The following TNR variants were observed in gnomAD, a reference collection of about 807,000 sequenced individuals.
TNR encodes the protein tenascin-R.
Under a neutral mutation model 150.4 loss-of-function variants are expected in TNR, and 45 were observed. The ratio of observed to expected loss-of-function variants is 0.30; its 90% CI spans 0.24 to 0.38. The LOEUF is 0.38. Among genes scored for constraint, TNR ranks in the 10% least tolerant of loss-of-function variants. The pLI, the probability that TNR is intolerant of heterozygous loss-of-function variation, is 1.00. For missense variants in TNR, 1,544 were observed against 1,759.1 expected (o/e 0.88, Z 2.19); for synonymous variants, 687 against 678.4 (o/e 1.01, Z -0.20).
intron 18 of TNR, among the ~76,000 whole-genome samples, chr1:175,349,148 G>A (rs1650937660): frequency 1.3e-5 from 2 of 152,214 alleles, no homozygotes; most frequent in African/African-American, 4.8e-5. Context: ...CTGTTGGAGG[G>A]AGTGTAGACT....
intron 18 of TNR, among the ~76,000 whole-genome samples, chr1:175,346,713 G>T (rs1350752766): frequency 6.6e-6 from 1 of 151,912 alleles, no homozygotes; most frequent in African/African-American, 2.4e-5. Context: ...GGTCAAAACT[G>T]GTACAAGAAG....
chr1:175,545,812 G>T (rs6683510), intron 1 of TNR, among the ~76,000 whole-genome samples: 1 of 152,168 alleles, frequency 6.6e-6, no homozygotes, highest in Non-Finnish European at 1.5e-5. Context: ...CAGAGAGCGG[G>T]TCCTTCACTA....
At chr1:175,583,386 A>G (rs901675280) in intron 1 of TNR, among the ~76,000 whole-genome samples, 4 of 152,226 alleles carry the variant, frequency 2.6e-5, no homozygotes, top group African/African-American at 9.6e-5. Context: ...ACCCAGGACA[A>G]TGACAAGCAT....
chr1:175,377,814 C>T (rs1026781323), intron 9 of TNR, among the ~76,000 whole-genome samples: 2 of 152,164 alleles, frequency 1.3e-5, no homozygotes, highest in African/African-American at 4.8e-5. Context: ...ACAAATTAAA[C>T]AAAATCTCTG....
Position 175,331,047 on chromosome 1 carries a change from T to TTCTTTCTTTCTTTCTTTCCTTC in TNR, c.3632-813_3632-812insGAAGGAAAGAAAGAAAGAAAGA, listed in dbSNP as rs1553203288. ...TTTCTTTCTTTCTTTCTTTCTTTCT[T>TTCTTTCTTTCTTTCTTTCCTTC]TCTTTCTTTCTTTCTTTCTTTCTTT... On this transcript the variant is annotated intron_variant, in intron 20 of 22. Coordinates refer to ENST00000367674, the MANE Select transcript of TNR (RefSeq NM_003285.3). Among the ~76,000 whole-genome samples the TTCTTTCTTTCTTTCTTTCCTTC allele has an allele frequency of 3.4e-3, 308 of 91,038 alleles. 12 individuals carry two copies. The highest frequency in any genetic ancestry group is 0.015 in the Admixed American group (116 of 7,834). 59.7% of individuals were successfully genotyped at this position (91,038 alleles called of 152,430 possible).
At chr1:175,583,171 A>G (rs1662425361) in intron 1 of TNR, among the ~76,000 whole-genome samples, 1 of 152,154 alleles carries the variant, frequency 6.6e-6, no homozygotes, top group Non-Finnish European at 1.5e-5. Flanking sequence ...AACCCCCTAG[A>G]CTGCCTCCCT....
At chr1:175,424,329 G>A (rs1212288516) in intron 2 of TNR, among the ~76,000 whole-genome samples, 1 of 152,232 alleles carries the variant, frequency 6.6e-6, no homozygotes, top group Non-Finnish European at 1.5e-5. Flanking sequence ...GGCCTGGCCA[G>A]GCAGTGGTGG....
chr1:175,359,712 A>T lies in TNR; in HGVS notation c.2874T>A (p.Asp958Glu). Reference protein sequence around the residue: ...LVHTAMDNPVDLIATNITPTE... With the variant: ...LVHTAMDNPVELIATNITPTE... ...TTGGAGTGATATTGGTAGCAATCAG[A>T]TCCACAGGGTTGTCCATGGCTGAAA... Residue 958 changes from aspartate (D) to glutamate (E), a missense_variant, in exon 15 of 23, where the codon GAT becomes GAA. Physicochemically the swap from Asp to Glu is conservative, Grantham distance 45. Coordinates refer to ENST00000367674, the MANE Select transcript of TNR (RefSeq NM_003285.3). 6.2e-7 allele frequency: 1 copy of T among 1,613,304 alleles called. No individual in the cohort carries two copies. The highest frequency in any genetic ancestry group is 1.1e-5 in the South Asian group (1 of 90,960).
At chr1:175,675,311 C>T (rs985268259) in intron 1 of TNR, among the ~76,000 whole-genome samples, 4 of 152,218 alleles carry the variant, frequency 2.6e-5, no homozygotes, top group African/African-American at 9.6e-5. Context: ...ACCTGCCTCA[C>T]AGAGGGTAGC....
At chr1:175,470,126 C>T (rs768286787) in intron 2 of TNR, among the ~76,000 whole-genome samples, 10 of 151,966 alleles carry the variant, frequency 6.6e-5, no homozygotes, top group African/African-American at 1.7e-4. Flanking sequence ...CAGTATTGGA[C>T]GGGTTGCATT....
Position 175,606,885 on chromosome 1 carries a change from T to G in TNR, c.-164-78516A>C, listed in dbSNP as rs1038280121. Among the ~76,000 whole-genome samples, 5 of 152,180 alleles carry G rather than the reference T, an allele frequency of 3.3e-5. No homozygotes were observed. The South Asian group carries it at 8.3e-4, about 25-fold the overall frequency. ...TCTGAAGAAGCTTTGAGATGCCCAG[T>G]GCACTCCAGGGCTCCCCTGCAGGAT... On this transcript the variant is annotated intron_variant, in intron 1 of 22. Transcript: ENST00000367674.
intron 2 of TNR, among the ~76,000 whole-genome samples, chr1:175,436,177 G>T (rs911523531): frequency 6.6e-6 from 1 of 152,086 alleles, no homozygotes; most frequent in Non-Finnish European, 1.5e-5. Context: ...GAATCTGAAC[G>T]TTGGCCTGCC....
At chr1:175,342,965 G>A (rs1003968659) in intron 18 of TNR, among the ~76,000 whole-genome samples, 2 of 151,852 alleles carry the variant, frequency 1.3e-5, no homozygotes, top group East Asian at 3.9e-4. Flanking sequence ...GTTGCAGCCT[G>A]GCCCCTGTCT....
intron 1 of TNR, among the ~76,000 whole-genome samples, chr1:175,685,244 A>G (rs930175788): frequency 3.3e-5 from 5 of 152,164 alleles, no homozygotes; most frequent in Admixed American, 6.5e-5. Flanking sequence ...CTTTTTCCTA[A>G]GTACTCAAGG....
chr1:175,659,569 G>A (rs1212011014), intron 1 of TNR, among the ~76,000 whole-genome samples: 1 of 152,126 alleles, frequency 6.6e-6, no homozygotes, highest in Admixed American at 6.5e-5. Context: ...AACCAGGAAG[G>A]CCAGTTGAAG....
In TNR at chr1:175,358,338, T is replaced by C. The variant is rs142996032; in HGVS notation, c.2974+1274A>G. ...CTAAGTGATAAGTGGGGTTTTCTGA[T>C]GCCTTGCTGAAATACAAATGTACTA... is the stretch of plus-strand genomic sequence containing the variant. On this transcript the variant is annotated intron_variant, in intron 15 of 22. Transcript: ENST00000367674. Among the ~76,000 whole-genome samples the C allele has an allele frequency of 3.5e-4, 54 of 152,350 alleles. No individual in the cohort carries two copies. The East Asian group carries it at 9.1e-3, about 26-fold the overall frequency.
chr1:175,556,231 C>T (rs564827951), intron 1 of TNR, among the ~76,000 whole-genome samples: 27 of 152,352 alleles, frequency 1.8e-4, no homozygotes, highest in Admixed American at 8.5e-4. Context: ...TTTCCACCTC[C>T]TCATCAGAAG....
At chr1:175,469,968 G>A (rs1657211760) in intron 2 of TNR, among the ~76,000 whole-genome samples, 1 of 152,110 alleles carries the variant, frequency 6.6e-6, no homozygotes, top group Non-Finnish European at 1.5e-5. Flanking sequence ...CCTTTAGAGG[G>A]AAAACATGTA....
chr1:175,537,340 G>A lies in TNR; in HGVS notation c.-164-8971C>T, dbSNP rs116127142. ...CCTGATATAAAGCCCTTCCTTGCCC[G>A]GGTGTGGACCTAGGGGAATATTTCT... On this transcript the variant is annotated intron_variant, in intron 1 of 22. Coordinates refer to ENST00000367674, the MANE Select transcript of TNR (RefSeq NM_003285.3). Among the ~76,000 whole-genome samples, 452 of 152,276 alleles carry A rather than the reference G, an allele frequency of 3.0e-3. 1 individual carries two copies. The highest frequency in any genetic ancestry group is 5.3e-3 in the African/African-American group (219 of 41,556).
Sources: gnomAD v4.1 joint callset for allele counts (sites outside exome capture counted in the v4.1 genomes callset) on GRCh38, gnomAD v4.1.1 for gene constraint, MANE v1.5 for transcripts, NCBI Gene and HGNC (gene_info 2026-07-23, HGNC 2026-07-21) for gene names.